FOXRED2: variants seen among roughly 807,000 people sequenced by gnomAD.
The protein encoded by FOXRED2 is FAD dependent oxidoreductase domain containing 2.
In FOXRED2, 32 loss-of-function variants were observed where a neutral mutation model predicts 52.5. The ratio of observed to expected loss-of-function variants is 0.61; its 90% CI spans 0.46 to 0.82. The LOEUF is 0.82. FOXRED2 is among the 40% of genes least tolerant of loss of function. FOXRED2 has a pLI of 0.00. For missense variants in FOXRED2, 848 were observed against 937.5 expected, an observed-to-expected ratio of 0.90 and a Z score of 1.25; for synonymous variants, 405 against 398.1, an observed-to-expected ratio of 1.02 and a Z score of -0.21.
intron 2 of FOXRED2, among the ~76,000 whole-genome samples, chr22:36,505,352 A>T (rs1453188212): frequency 2.0e-5 from 3 of 152,228 alleles, no homozygotes; most frequent in Non-Finnish European, 4.4e-5. Context: ...CTAAACACAG[A>T]TAGGCTTGAT....
chr22:36,504,071 G>T, intron 4 of FOXRED2, 27 bp downstream of exon 4: 2 of 1,604,612 alleles, frequency 1.2e-6, no homozygotes, highest in African/African-American at 1.3e-5. Flanking sequence ...TGCTAGGAGA[G>T]CCCACCTCCT....
chr22:36,489,798 T>C lies in FOXRED2; in HGVS notation c.*210A>G, dbSNP rs1933700379. The C allele has an allele frequency of 2.1e-6, 1 of 485,502 alleles. No homozygotes were observed. The highest frequency in any genetic ancestry group is 2.0e-5 in the African/African-American group (1 of 50,390). The allele number at this position is 485,502 out of a possible 1,614,324, so 30.1% of individuals were successfully genotyped here. A position where few individuals can be genotyped will look rare whatever the true frequency, so the allele number is the denominator to read the frequency against. On this transcript the variant is annotated 3_prime_UTR_variant, in exon 9 of 9. Coordinates refer to ENST00000397224, the MANE Select transcript of FOXRED2 (RefSeq NM_001102371.2). Reference sequence around the variant, plus strand: ...TCCCACCTGGCAGAGGATGCCCTTCTGCCCCCTGACAGGAGGGAGGAGACC... The same window carrying C: ...TCCCACCTGGCAGAGGATGCCCTTCCGCCCCCTGACAGGAGGGAGGAGACC...
chr22:36,506,400 G>A lies in FOXRED2; in HGVS notation c.23C>T (p.Pro8Leu), dbSNP rs1007358235. 5.6e-6 allele frequency: 8 copies of A among 1,437,744 alleles called. No homozygotes were observed. The African/African-American group carries it at 8.6e-5, about 15-fold the overall frequency. 89.1% of individuals were successfully genotyped at this position (1,437,744 alleles called of 1,614,324 possible). A position where few individuals can be genotyped will look rare whatever the true frequency, so the allele number is the denominator to read the frequency against. The change falls in exon 2 of 9, where the codon CCG (proline) becomes CTG (leucine). Residue 8 changes from proline (P) to leucine (L), a missense_variant. Pro to Leu is a moderately conservative substitution (Grantham distance 98). Transcript: ENST00000397224. ...GAGCAGCCCCGGGGGACCCCACAAC[G>A]GGGCCGCAGCGGAGAGGCCCATCCT... The part of the protein sequence containing the change: MGLSAAA[P>L]LWGPPGLLLA...
At position 36,506,384 on chromosome 22, in the gene FOXRED2, C is replaced by G; in HGVS notation, c.39G>C (p.Pro13=). 6.9e-7 allele frequency: 1 copy of G among 1,441,476 alleles called. No individual in the cohort carries two copies. The highest frequency in any genetic ancestry group is 9.1e-7 in the Non-Finnish European group (1 of 1,102,732). The allele number at this position is 1,441,476 out of a possible 1,614,324, so 89.3% of individuals were successfully genotyped here. ...GCAGGGCGATGGCCAGGAGCAGCCC[C>G]GGGGGACCCCACAACGGGGCCGCAG... ...LSAAAPLWGP[P]GLLLAIALHP... is the part of the protein sequence containing the mutation. The change falls in exon 2 of 9, where the codon CCG becomes CCC. Residue 13 remains proline, a synonymous_variant. Coordinates refer to ENST00000397224, the MANE Select transcript of FOXRED2 (RefSeq NM_001102371.2).
intron 6 of FOXRED2, among the ~76,000 whole-genome samples, chr22:36,497,718 C>T (rs1384869666): frequency 6.6e-6 from 1 of 152,202 alleles, no homozygotes; most frequent in East Asian, 1.9e-4. Flanking sequence ...GACCTTTACT[C>T]CTTCCTTTAC....
intron 4 of FOXRED2, among the ~76,000 whole-genome samples, 178 bp from the exon 5 acceptor site, chr22:36,501,585 C>T (rs757575141): frequency 2.0e-5 from 3 of 152,058 alleles, no homozygotes; most frequent in Admixed American, 6.6e-5. Flanking sequence ...CTGAGCCTCC[C>T]GAGTAGCTGG....
chr22:36,491,762 T>C (rs1933762741), intron 8 of FOXRED2, among the ~76,000 whole-genome samples: 1 of 152,202 alleles, frequency 6.6e-6, no homozygotes, highest in Non-Finnish European at 1.5e-5. Context: ...AACCTGTTTC[T>C]TTATAAATTA....
intron 8 of FOXRED2, among the ~76,000 whole-genome samples, chr22:36,491,642 C>T (rs8138246): frequency 0.15 from 23,094 of 152,002 alleles, 2,096 homozygotes; most frequent in African/African-American, 0.25. Flanking sequence ...TGACCTCAAG[C>T]TATCTGCCTT....
rs1370414122 is a variant in FOXRED2 at position 36,488,102 on chromosome 22, AAAAAG to A, written c.*1901_*1905del. The A allele has an allele frequency of 6.6e-6, 1 of 151,938 alleles. No individual in the cohort carries two copies. Among genetic ancestry groups the A allele is most frequent in the South Asian group, 2.1e-4 (1 of 4,832 alleles). 9.4% of individuals were successfully genotyped at this position (151,938 alleles called of 1,614,324 possible). ...AGCGAAATCCATTGCAAAAAAAAAA[AAAAAG>A]AAAAAGAAAAAGTCTGGACCAAGCC... On this transcript the variant is annotated 3_prime_UTR_variant, in exon 9 of 9. Coordinates refer to ENST00000397224, the MANE Select transcript of FOXRED2 (RefSeq NM_001102371.2).
At chr22:36,490,312 T>G in intron 8 of FOXRED2, 45 bp from the exon 9 acceptor site, 1 of 1,536,606 alleles carries the variant, frequency 6.5e-7, no homozygotes. Context: ...CTGGGACATG[T>G]GGGGAGGGGT....
Position 36,504,570 on chromosome 22 carries a change from G to A in FOXRED2, c.724C>T (p.Leu242Phe), listed in dbSNP as rs753286782. 2 of 1,614,192 alleles carry A rather than the reference G, an allele frequency of 1.2e-6. No homozygotes were observed. Among genetic ancestry groups the A allele is most frequent in the Non-Finnish European group, 1.7e-6 (2 of 1,180,038 alleles). ...GACAGACGGACCCGGGAGCGGCTGA[G>A]CATATGGATAAAGTTTGTGACACCC... ...ILGVTNFIHM[L>F]SRSRVRLSWA... The change falls in exon 3 of 9, where the codon CTC becomes TTC. Residue 242 changes from leucine (L) to phenylalanine (F), a missense_variant. Transcript: ENST00000397224.
intron 7 of FOXRED2, among the ~76,000 whole-genome samples, chr22:36,494,572 G>A (rs897255606): frequency 3.3e-4 from 51 of 152,332 alleles, no homozygotes; most frequent in African/African-American, 1.2e-3. Flanking sequence ...CTTGGCCGTC[G>A]CTATTCTGGG....
chr22:36,506,228 G>C lies in FOXRED2; in HGVS notation c.195C>G (p.Pro65=), dbSNP rs1436376087. The C allele has an allele frequency of 3.7e-6, 6 of 1,613,664 alleles. No homozygotes were observed. The highest frequency in any genetic ancestry group is 1.3e-5 in the African/African-American group (1 of 74,944). Residue 65 remains proline, a synonymous_variant, in exon 2 of 9, where the codon CCC becomes CCG. Coordinates refer to ENST00000397224, the MANE Select transcript of FOXRED2 (RefSeq NM_001102371.2). The part of the protein sequence containing the change: ...DYAVFERAPR[P]GSFFTRYPRH... ...GCGGGTAGCGTGTGAAGAAGCTGCC[G>C]GGCCGCGGGGCCCGCTCGAACACTG...
In FOXRED2 at chr22:36,505,945, C is replaced by T. The variant is rs773842803; in HGVS notation, c.478G>A (p.Gly160Ser). The T allele has an allele frequency of 6.2e-7, 1 of 1,614,184 alleles. No individual in the cohort carries two copies. Among genetic ancestry groups the T allele is most frequent in the Admixed American group, 1.7e-5 (1 of 60,032 alleles). ...TLDKDRQAWN[G>S]HYFILTDQKG... is the part of the protein sequence containing the mutation. ...TGGTCAGTTAGGATGAAGTAGTGGC[C>T]ATTCCAGGCCTGTCGGTCCTTGTCC... Residue 160 changes from glycine to serine, a missense_variant, in exon 2 of 9, where the codon GGC becomes AGC. Gly to Ser is a moderately conservative substitution (Grantham distance 56). Coordinates refer to ENST00000397224, the MANE Select transcript of FOXRED2 (RefSeq NM_001102371.2).
In FOXRED2 at chr22:36,504,242, A is replaced by T; in HGVS notation, c.905T>A (p.Phe302Tyr). The change falls in exon 4 of 9, where the codon TTC becomes TAC. Residue 302 changes from phenylalanine to tyrosine, a missense_variant. Transcript: ENST00000397224. ...SKGKFHVTPK[F>Y]FLEEANTNQS... Reference sequence around the variant, plus strand: ...GTTGGTGTTGGCTTCTTCCAGGAAGAATTTCGGGGTGACATGGAACTTGCC... The same window carrying T: ...GTTGGTGTTGGCTTCTTCCAGGAAGTATTTCGGGGTGACATGGAACTTGCC... 1 of 1,614,126 alleles carries T rather than the reference A, an allele frequency of 6.2e-7. No homozygotes were observed. The highest frequency in any genetic ancestry group is 1.7e-5 in the Admixed American group (1 of 60,014).
rs1933655107 is a variant in FOXRED2, at chr22:36,488,210, C to T, written c.*1798G>A. 1 of 151,658 alleles carries T rather than the reference C, an allele frequency of 6.6e-6. No homozygotes were observed. The highest frequency in any genetic ancestry group is 6.6e-5 in the Admixed American group (1 of 15,204). The allele number at this position is 151,658 out of a possible 1,614,324, so 9.4% of individuals were successfully genotyped here. A position where few individuals can be genotyped will look rare whatever the true frequency, so the allele number is the denominator to read the frequency against. On this transcript the variant is annotated 3_prime_UTR_variant, in exon 9 of 9. Coordinates refer to ENST00000397224, the MANE Select transcript of FOXRED2 (RefSeq NM_001102371.2). ...GTTCTTGGAATTCTTTTTCTCTTTT[C>T]ACTTTTGTTGTAGCATACTTTGTTC... is the stretch of plus-strand genomic sequence containing the variant.
intron 7 of FOXRED2, among the ~76,000 whole-genome samples, chr22:36,495,465 C>T (rs892399974): frequency 1.4e-4 from 22 of 152,222 alleles, no homozygotes; most frequent in Non-Finnish European, 2.9e-4. Flanking sequence ...TCTGTGTACA[C>T]TGTCAGGTTT....
chr22:36,494,511 G>C (rs781685784), intron 7 of FOXRED2, among the ~76,000 whole-genome samples: 9 of 152,220 alleles, frequency 5.9e-5, no homozygotes, highest in African/African-American at 1.9e-4. Context: ...GCTTCTCCCT[G>C]GTGTGGGCTC....
chr22:36,506,197 G>A lies in FOXRED2; in HGVS notation c.226C>T (p.Arg76Cys), dbSNP rs770616543. The change falls in exon 2 of 9, where the codon CGC becomes TGC. Residue 76 changes from arginine (R) to cysteine (C), a missense_variant. Arg to Cys is a radical substitution (Grantham distance 180, BLOSUM62 -3). Transcript: ENST00000397224. Reference sequence around the variant, plus strand: ...CGCTTGTTGATGCTGATGAGCTTGCGGTGCCGCGGGTAGCGTGTGAAGAAG... The same window carrying A: ...CGCTTGTTGATGCTGATGAGCTTGCAGTGCCGCGGGTAGCGTGTGAAGAAG... The part of the protein sequence containing the change: ...GSFFTRYPRH[R>C]KLISINKRYT... 6.2e-7 allele frequency: 1 copy of A among 1,614,164 alleles called. No individual in the cohort carries two copies. Among genetic ancestry groups the A allele is most frequent in the South Asian group, 1.1e-5 (1 of 91,086 alleles).
Sources: allele counts gnomAD v4.1 joint callset (sites outside exome capture counted in the v4.1 genomes callset), GRCh38; gene constraint gnomAD v4.1.1; transcripts MANE v1.5; gene names NCBI Gene and HGNC (gene_info 2026-07-23, HGNC 2026-07-21).